EPG5: variants seen among roughly 807,000 people sequenced by gnomAD.
The protein encoded by EPG5 is ectopic P-granules 5 autophagy tethering factor, also known as ectopic P granules protein 5 homolog.
A neutral mutation model predicts 302.7 loss-of-function variants in EPG5; 159 were observed. That is an observed-to-expected ratio of 0.53 (90% CI 0.46 to 0.60). The LOEUF (loss-of-function observed/expected upper bound fraction) is 0.60. Ranked by LOEUF, EPG5 falls within the 20% of genes least tolerant of loss-of-function variation. EPG5 has a pLI of 0.00. For missense variants in EPG5, 2,896 were observed against 3,092.4 expected (o/e 0.94, Z 1.51); for synonymous variants, 1,158 against 1,136.8 (o/e 1.02, Z -0.37).
intron 16 of EPG5, among the ~76,000 whole-genome samples, chr18:45,920,233 T>C (rs1484591091): frequency 1.3e-5 from 2 of 152,204 alleles, no homozygotes; most frequent in East Asian, 3.8e-4. Context: ...CAGGACAATG[T>C]CCCTACCTTC....
intron 1 of EPG5, among the ~76,000 whole-genome samples, chr18:45,963,543 G>C (rs1360255019): frequency 2.0e-5 from 3 of 152,152 alleles, no homozygotes; most frequent in Admixed American, 2.0e-4. Context: ...GGCTGAAGCT[G>C]GAGAATCGCT....
At chr18:45,837,127 G>C in the EPG5 span, 22 of 1,610,376 alleles carry the variant, frequency 1.4e-5, no homozygotes, top group African/African-American at 2.1e-4. Context: ...CGGGGATCTT[G>C]GGAGTCTGTT....
chr18:45,821,777 G>A, the EPG5 span, among the ~76,000 whole-genome samples: 14 of 151,968 alleles, frequency 9.2e-5, no homozygotes, highest in Non-Finnish European at 7.4e-5. Context: ...AACAAACAAT[G>A]CAATTAACAA....
At chr18:45,837,181 T>A in the EPG5 span, 7 of 1,553,854 alleles carry the variant, frequency 4.5e-6, no homozygotes, top group Non-Finnish European at 6.1e-6. Flanking sequence ...CAGGTTTTGA[T>A]GGGGAAAAAC....
the EPG5 span, among the ~76,000 whole-genome samples, chr18:45,808,021 A>G: frequency 1.3e-5 from 2 of 152,204 alleles, no homozygotes; most frequent in Non-Finnish European, 2.9e-5. Flanking sequence ...GAAATAGATA[A>G]CAAAAATAAA....
chr18:45,886,243 A>G (rs2049214814), intron 29 of EPG5, among the ~76,000 whole-genome samples: 1 of 152,254 alleles, frequency 6.6e-6, no homozygotes, highest in Non-Finnish European at 1.5e-5. Flanking sequence ...TCACAAAGAC[A>G]TACAAGAATA....
chr18:45,884,389 T>G (rs1479771210), intron 30 of EPG5, among the ~76,000 whole-genome samples: 1 of 152,068 alleles, frequency 6.6e-6, no homozygotes, highest in Non-Finnish European at 1.5e-5. Context: ...CGGTCCCTGG[T>G]GCCAAAAAGG....
At chr18:45,846,542 AAAAAAG>A (rs1382378999), downstream of EPG5, among the ~76,000 whole-genome samples, 1 of 151,342 alleles carries the variant, frequency 6.6e-6, no homozygotes, top group African/African-American at 2.4e-5. Flanking sequence ...AAAAAAAAAA[AAAAAAG>A]ATCTCGGGGG....
the EPG5 span, among the ~76,000 whole-genome samples, chr18:45,841,574 C>T: frequency 1.3e-5 from 2 of 151,736 alleles, no homozygotes; most frequent in African/African-American, 2.4e-5. Context: ...GCAGGGGTGG[C>T]GGTGGGGAAG....
chr18:45,862,508 G>A (rs2048656977), intron 39 of EPG5, among the ~76,000 whole-genome samples: 1 of 152,164 alleles, frequency 6.6e-6, no homozygotes, highest in Admixed American at 6.5e-5. Flanking sequence ...CTGAATATGG[G>A]GGTAGGTCCT....
At chr18:45,905,330 C>T (rs1227577297) in intron 24 of EPG5, among the ~76,000 whole-genome samples, 3 of 152,160 alleles carry the variant, frequency 2.0e-5, no homozygotes, top group African/African-American at 7.2e-5. Flanking sequence ...AAGGATCCCT[C>T]TAAACCAAAA....
chr18:45,938,865 A>AT (rs1491211742), intron 10 of EPG5, among the ~76,000 whole-genome samples: 1 of 152,248 alleles, frequency 6.6e-6, no homozygotes, highest in African/African-American at 2.4e-5. Context: ...GGCTAAGGCT[A>AT]AGAGTTACAT....
Position 45,922,387 on chromosome 18 carries a change from G to C in EPG5, c.3052C>G (p.Pro1018Ala), listed in dbSNP as rs2050175985. The C allele has an allele frequency of 6.2e-7, 1 of 1,614,088 alleles. No individual in the cohort carries two copies. Among genetic ancestry groups the C allele is most frequent in the African/African-American group, 1.3e-5 (1 of 74,942 alleles). The change falls in exon 16 of 44, where the codon CCC becomes GCC. Residue 1018 changes from proline to alanine, a missense_variant. Transcript: ENST00000282041. ...PLLKAVKAGM[P>A]IGCYLALSMT... ...GATAAGGCTAGATAACAGCCAATGG[G>C]CATGCCCGCTTTCACAGCCTTCAAG...
At position 45,945,896 on chromosome 18, in the gene EPG5, C is replaced by T. The variant is rs1188756744; in HGVS notation, c.1677+767G>A. ...GAGCACTCTGGGAAATACACAGACACGATCCAACAGCTGCCACGGCTGTCA... is the reference window on the plus strand; with the variant it reads ...GAGCACTCTGGGAAATACACAGACATGATCCAACAGCTGCCACGGCTGTCA... On this transcript the variant is annotated intron_variant, in intron 7 of 43. Transcript: ENST00000282041. Among the ~76,000 whole-genome samples the T allele has an allele frequency of 2.6e-5, 4 of 152,304 alleles. 1 individual carries two copies.
chr18:45,964,617 C>T (rs1381490474), intron 1 of EPG5, among the ~76,000 whole-genome samples: 2 of 151,968 alleles, frequency 1.3e-5, no homozygotes, highest in African/African-American at 2.4e-5. Flanking sequence ...TTTTTTCTTC[C>T]TCCTGGGCCT....
At chr18:45,852,840 G>T (rs1172869052) in intron 43 of EPG5, among the ~76,000 whole-genome samples, 191 bp from the exon 44 acceptor site, 1 of 152,186 alleles carries the variant, frequency 6.6e-6, no homozygotes, top group Non-Finnish European at 1.5e-5. Context: ...GAGGCCAGCA[G>T]CCCAAGCCTC....
rs199718702 is a variant in EPG5, at chr18:45,901,120, G to A, written c.4522C>T (p.Pro1508Ser). The A allele has an allele frequency of 2.7e-5, 44 of 1,614,148 alleles. No homozygotes were observed. The African/African-American group carries it at 5.7e-4, about 21-fold the overall frequency. Reference sequence around the variant, plus strand: ...TTCGTCGGGTGCAGAGCAAGGGGAGGCTGGGGAGCCTCATGCTTCCGCAAG... The same window carrying A: ...TTCGTCGGGTGCAGAGCAAGGGGAGACTGGGGAGCCTCATGCTTCCGCAAG... ...SNLRKHEAPQ[P>S]PLALHPTKPP... Residue 1508 changes from proline to serine, a missense_variant, in exon 26 of 44, where the codon CCT becomes TCT. Transcript: ENST00000282041.
At chr18:45,823,970 A>C in the EPG5 span, among the ~76,000 whole-genome samples, 1 of 152,366 alleles carries the variant, frequency 6.6e-6, no homozygotes, top group African/African-American at 2.4e-5. Context: ...AGGAATGATA[A>C]ACAAGAAAAT....
intron 16 of EPG5, among the ~76,000 whole-genome samples, chr18:45,922,037 T>C (rs2050165937): frequency 6.6e-6 from 1 of 151,794 alleles, no homozygotes; most frequent in South Asian, 2.1e-4. Context: ...TGATCAATTA[T>C]TTTTATTTGA....
Sources: allele counts gnomAD v4.1 joint callset (sites outside exome capture counted in the v4.1 genomes callset), GRCh38; gene constraint gnomAD v4.1.1; transcripts MANE v1.5; gene names NCBI Gene and HGNC (gene_info 2026-07-23, HGNC 2026-07-21).